UPF2: variants seen among roughly 807,000 people sequenced by gnomAD.
UPF2 encodes regulator of nonsense transcripts 2.
In UPF2, 17 loss-of-function variants were observed where a neutral mutation model predicts 141.4. That is an observed-to-expected ratio of 0.12 (90% CI 0.08 to 0.18). The LOEUF is 0.18. Among genes scored for constraint, UPF2 ranks in the 10% least tolerant of loss-of-function variants. UPF2 has a pLI of 1.00. For missense variants in UPF2, 1,152 were observed against 1,515.9 expected, an observed-to-expected ratio of 0.76 and a Z score of 3.99; for synonymous variants, 540 against 498.0, an observed-to-expected ratio of 1.08 and a Z score of -1.12.
At chr10:12,011,983 A>T (rs776822796) in intron 4 of UPF2, among the ~76,000 whole-genome samples, 2 of 152,116 alleles carry the variant, frequency 1.3e-5, no homozygotes, top group Non-Finnish European at 2.9e-5. Context: ...AAAGTCATTT[A>T]AAATGAAAAG....
intron 15 of UPF2, among the ~76,000 whole-genome samples, chr10:11,950,483 T>C (rs945312191): frequency 2.0e-5 from 3 of 152,178 alleles, no homozygotes; most frequent in Non-Finnish European, 4.4e-5. Flanking sequence ...CAAACAGCGA[T>C]CTATTTTTAC....
chr10:11,937,756 T>C (rs1240059860), intron 18 of UPF2, among the ~76,000 whole-genome samples: 2 of 152,162 alleles, frequency 1.3e-5, no homozygotes, highest in Non-Finnish European at 2.9e-5. Flanking sequence ...AGTCTTCTGA[T>C]ATAGGCTCCA....
At chr10:12,032,139 C>G (rs992400518) in intron 2 of UPF2, among the ~76,000 whole-genome samples, 1 of 151,158 alleles carries the variant, frequency 6.6e-6, no homozygotes, top group South Asian at 2.1e-4. Context: ...ACTAAAAATA[C>G]AAAAATTAGC....
At chr10:12,004,344 AG>A (rs1158156376) in intron 5 of UPF2, among the ~76,000 whole-genome samples, 185 bp downstream of exon 5, 4 of 152,244 alleles carry the variant, frequency 2.6e-5, no homozygotes, top group Non-Finnish European at 5.9e-5. Flanking sequence ...CACTGTTAAA[AG>A]TATGTCAATT....
At chr10:12,017,807 T>C (rs1834249207) in intron 3 of UPF2, among the ~76,000 whole-genome samples, 1 of 152,172 alleles carries the variant, frequency 6.6e-6, no homozygotes, top group Non-Finnish European at 1.5e-5. Flanking sequence ...GTTTGTTACA[T>C]AGGTATACAC....
rs1564336122 is a variant in UPF2, at chr10:11,935,291, C to A, written c.3546+1254G>T. Among the ~76,000 whole-genome samples the A allele has an allele frequency of 1.3e-5, 2 of 152,126 alleles. No individual in the cohort carries two copies. The highest frequency in any genetic ancestry group is 4.8e-5 in the African/African-American group (2 of 41,412). On this transcript the variant is annotated intron_variant, in intron 19 of 21. Coordinates refer to ENST00000357604, the MANE Select transcript of UPF2 (RefSeq NM_015542.4). This position sits in a 1 kb window ranked among gnomAD's most constrained non-coding sequence, Gnocchi z 4.9. ...CTCCCAACACCAGAATGAAAGCTCG[C>A]AAGAGAGGAAGGACTCTGGCTAACT...
intron 9 of UPF2, among the ~76,000 whole-genome samples, chr10:11,970,008 G>A (rs1244903690): frequency 2.0e-5 from 3 of 152,158 alleles, no homozygotes; most frequent in African/African-American, 7.2e-5. Flanking sequence ...TAACTGAAAA[G>A]CTAAAGCTTA....
At chr10:11,971,378 C>A (rs1022666331) in intron 9 of UPF2, among the ~76,000 whole-genome samples, 2 of 152,118 alleles carry the variant, frequency 1.3e-5, no homozygotes, top group Non-Finnish European at 2.9e-5. Flanking sequence ...CCTCAGCCTC[C>A]CAAGTAGCTG....
At chr10:12,034,931 GTAAAT>G in intron 2 of UPF2, 123 bp downstream of exon 2, 3 of 1,362,036 alleles carry the variant, frequency 2.2e-6, no homozygotes, top group Non-Finnish European at 2.9e-6. Flanking sequence ...AACAGAACAA[GTAAAT>G]TAAGATACTC....
At chr10:11,925,572 C>T (rs767969741) in intron 21 of UPF2, among the ~76,000 whole-genome samples, 7 of 152,256 alleles carry the variant, frequency 4.6e-5, no homozygotes, top group Admixed American at 1.3e-4. Context: ...CAGCCCTCAT[C>T]GCCTGTAATC....
At chr10:12,015,603 G>A (rs560081048) in intron 3 of UPF2, among the ~76,000 whole-genome samples, 20 of 152,290 alleles carry the variant, frequency 1.3e-4, no homozygotes, top group Non-Finnish European at 2.5e-4. Context: ...TCAGGAGGCC[G>A]AGGCAGAAGA....
chr10:11,958,423 A>T (rs977635018), intron 12 of UPF2, among the ~76,000 whole-genome samples: 1 of 152,218 alleles, frequency 6.6e-6, no homozygotes, highest in Non-Finnish European at 1.5e-5. Context: ...AGCTGGTATG[A>T]GAACTCGTTT....
Position 11,959,188 on chromosome 10 carries a change from T to C in UPF2, c.2353A>G (p.Lys785Glu), listed in dbSNP as rs1564344951. ...VRKLLYKDLS[K>E]VTTEKVLRQM... ...AGATTTACCTTCTCGGTGGTAACCT[T>C]AGAGAGATCCTTGTACAAAAGTTTC... is the stretch of plus-strand genomic sequence containing the variant. Residue 785 changes from lysine to glutamate, a missense_variant, in exon 12 of 22, where the codon AAG (lysine) becomes GAG (glutamate). By Grantham distance (56) the Lys-to-Glu change is moderately conservative. Transcript: ENST00000357604. The surrounding 1 kb of genome is among the most constrained non-coding windows in gnomAD (Gnocchi z 5.9). 2 of 1,601,108 alleles carry C rather than the reference T, an allele frequency of 1.2e-6. No individual in the cohort carries two copies. The highest frequency in any genetic ancestry group is 1.4e-5 in the African/African-American group (1 of 73,800).
At chr10:11,969,463 C>T (rs111276510) in intron 9 of UPF2, among the ~76,000 whole-genome samples, 4 of 152,222 alleles carry the variant, frequency 2.6e-5, no homozygotes, top group African/African-American at 7.2e-5. Flanking sequence ...AGACACTGCT[C>T]CCAGCCAGAA....
chr10:11,936,406 C>T lies in UPF2; in HGVS notation c.3546+139G>A. 1.1e-6 allele frequency: 1 copy of T among 897,982 alleles called. No homozygotes were observed. The highest frequency in any genetic ancestry group is 1.5e-6 in the Non-Finnish European group (1 of 656,456). The allele number at this position is 897,982 out of a possible 1,614,324, so 55.6% of individuals were successfully genotyped here. A position where few individuals can be genotyped will look rare whatever the true frequency, so the allele number is the denominator to read the frequency against. ...AAAACAAAAACAAAAACAAAAAAAA[C>T]TATATAAGGGAAGAAATTATTCTAC... On this transcript the variant is annotated intron_variant, in intron 19 of 21. Transcript: ENST00000357604. This position sits in a 1 kb window ranked among gnomAD's most constrained non-coding sequence, Gnocchi z 6.6.
rs1329549946 is a variant in UPF2 at position 12,029,499 on chromosome 10, G to A, written c.391C>T (p.His131Tyr). The A allele has an allele frequency of 6.3e-6, 10 of 1,593,956 alleles. No individual in the cohort carries two copies. The highest frequency in any genetic ancestry group is 8.5e-6 in the Non-Finnish European group (10 of 1,174,824). The change falls in exon 3 of 22, where the codon CAT becomes TAT. Residue 131 changes from histidine to tyrosine, a missense_variant. Coordinates refer to ENST00000357604, the MANE Select transcript of UPF2 (RefSeq NM_015542.4). The part of the protein sequence containing the change: ...MKEKEESIQL[H>Y]QEAWERHHLR... ...TGATGTCGTTCCCAAGCTTCCTGAT[G>A]AAGCTGAATGGATTCTTCTTTTTCT... is the stretch of plus-strand genomic sequence containing the variant.
intron 19 of UPF2, among the ~76,000 whole-genome samples, chr10:11,934,519 C>A (rs1250805251): frequency 6.6e-6 from 1 of 152,226 alleles, no homozygotes; most frequent in Non-Finnish European, 1.5e-5. Context: ...CTGATCCTGT[C>A]AAAGTTAACT....
Position 11,997,734 on chromosome 10 carries a change from G to A in UPF2, c.1782C>T (p.Asn594=). The A allele has an allele frequency of 6.2e-7, 1 of 1,613,786 alleles. No individual in the cohort carries two copies. Among genetic ancestry groups the A allele is most frequent in the African/African-American group, 1.3e-5 (1 of 75,026 alleles). The stretch of plus-strand genomic sequence containing the variant: ...TCTTCCTGTTTGCTTTTGTGTTCAT[G>A]TTCATGCAAAAATCCATTGCTGCCT... ...IDKAAMDFCM[N]MNTKANRKKL... The change falls in exon 8 of 22, where the codon AAC becomes AAT. Residue 594 remains asparagine (N), a synonymous_variant. Transcript: ENST00000357604.
rs946082197 is a variant in UPF2 at position 11,979,673 on chromosome 10, G to A, written c.1845-508C>T. ...TGTAATCCCAGCACTTTGGGAGGCC[G>A]AGGCAGGCAGATCATGAGGTAAAGA... On this transcript the variant is annotated intron_variant, in intron 8 of 21. Transcript: ENST00000357604. This position sits in a 1 kb window ranked among gnomAD's most constrained non-coding sequence, Gnocchi z 6.2. 1.3e-5 allele frequency among the ~76,000 whole-genome samples: 2 copies of A among 152,186 alleles called. No individual in the cohort carries two copies. The highest frequency in any genetic ancestry group is 2.4e-5 in the African/African-American group (1 of 41,436).
Sources: gnomAD v4.1 joint callset for allele counts (sites outside exome capture counted in the v4.1 genomes callset) on GRCh38, gnomAD v4.1.1 for gene constraint, Gnocchi (gnomAD v3.1) non-coding constraint, MANE v1.5 for transcripts, NCBI Gene and HGNC (gene_info 2026-07-23, HGNC 2026-07-21) for gene names.